IL2RA: variants seen among roughly 807,000 people sequenced by gnomAD.
IL2RA encodes the protein interleukin-2 receptor subunit alpha.
In IL2RA, 24 loss-of-function variants were observed where a neutral mutation model predicts 37.8. That is an observed-to-expected ratio of 0.63 (90% CI 0.46 to 0.89). The LOEUF is 0.89. IL2RA is among the 40% of genes least tolerant of loss of function. The probability of loss-of-function intolerance (pLI) is 0.00; values close to 1 mark genes in which losing one functional copy is unlikely to be tolerated. For synonymous variants in IL2RA, 125 were observed against 114.6 expected, an observed-to-expected ratio of 1.09 and a Z score of -0.58; for missense variants, 319 against 348.6, an observed-to-expected ratio of 0.92 and a Z score of 0.68.
In IL2RA at chr10:6,062,106, C is replaced by G. The variant is rs751620727; in HGVS notation, c.46G>C (p.Val16Leu). ...CCCTTACCTGCCTGGCAGCCAGGCA[C>G]CATGATGAACGTGAGCAGTCCCCAC... ...LMWGLLTFIM[V>L]PGCQAELCDD... The change falls in exon 1 of 8, where the codon GTG becomes CTG. Residue 16 changes from valine to leucine, a missense_variant. Val to Leu is a conservative substitution (Grantham distance 32). Coordinates refer to ENST00000379959, the MANE Select transcript of IL2RA (RefSeq NM_000417.3). 1 of 1,613,976 alleles carries G rather than the reference C, an allele frequency of 6.2e-7. No individual in the cohort carries two copies. The highest frequency in any genetic ancestry group is 8.5e-7 in the Non-Finnish European group (1 of 1,179,942).
rs781109300 is a variant in IL2RA, at chr10:6,058,745, G to C, written c.64+3343C>G. ...AGAATTCCTAGAATGAAAGAAAGATGATCAAGGGACATACAAGCTCTCAGA... is the reference window on the plus strand; with the variant it reads ...AGAATTCCTAGAATGAAAGAAAGATCATCAAGGGACATACAAGCTCTCAGA... On this transcript the variant is annotated intron_variant, in intron 1 of 7. Coordinates refer to ENST00000379959, the MANE Select transcript of IL2RA (RefSeq NM_000417.3). This position sits in a 1 kb window ranked among gnomAD's most constrained non-coding sequence, Gnocchi z 4.2. 2.0e-5 allele frequency among the ~76,000 whole-genome samples: 3 copies of C among 152,094 alleles called. No homozygotes were observed. Among genetic ancestry groups the C allele is most frequent in the Non-Finnish European group, 4.4e-5 (3 of 67,998 alleles).
chr10:6,056,631 G>A lies in IL2RA; in HGVS notation c.64+5457C>T, dbSNP rs554904520. On this transcript the variant is annotated intron_variant, in intron 1 of 7. Coordinates refer to ENST00000379959, the MANE Select transcript of IL2RA (RefSeq NM_000417.3). This position sits in a 1 kb window ranked among gnomAD's most constrained non-coding sequence, Gnocchi z 5.0. ...GAGCCAGGCATGGTGGTGCACACCT[G>A]TAATCCCAGCTACTCAGGAGACAGA... 3.2e-4 allele frequency among the ~76,000 whole-genome samples: 49 copies of A among 152,158 alleles called. No homozygotes were observed. The highest frequency in any genetic ancestry group is 6.8e-3 in the Middle Eastern group (2 of 294).
At chr10:6,059,223 T>C (rs1840089817) in intron 1 of IL2RA, among the ~76,000 whole-genome samples, 1 of 152,228 alleles carries the variant, frequency 6.6e-6, no homozygotes, top group Admixed American at 6.5e-5. Flanking sequence ...GACCTGTCTC[T>C]GTGCACCTGA....
At chr10:6,017,398 C>G (rs572413526) in intron 7 of IL2RA, among the ~76,000 whole-genome samples, 17 of 152,092 alleles carry the variant, frequency 1.1e-4, no homozygotes, top group African/African-American at 4.1e-4. Flanking sequence ...GCAGTGCTGG[C>G]CTCTGCTGTG....
At position 6,012,850 on chromosome 10, in the gene IL2RA, A is replaced by G. The variant is rs1839210580; in HGVS notation, c.*22T>C. ...TGTCTGTTCCCGGCTTCTTACCAAGAAATTCTTGTTCTTTTGGTTTTCTAG... is the reference window on the plus strand; with the variant it reads ...TGTCTGTTCCCGGCTTCTTACCAAGGAATTCTTGTTCTTTTGGTTTTCTAG... On this transcript the variant is annotated 3_prime_UTR_variant, in exon 8 of 8. Coordinates refer to ENST00000379959, the MANE Select transcript of IL2RA (RefSeq NM_000417.3). The surrounding 1 kb of genome is among the most constrained non-coding windows in gnomAD (Gnocchi z 4.8). 1 of 1,612,764 alleles carries G rather than the reference A, an allele frequency of 6.2e-7. No homozygotes were observed. The highest frequency in any genetic ancestry group is 8.5e-7 in the Non-Finnish European group (1 of 1,178,896).
In IL2RA at chr10:6,013,299, C is replaced by T. The variant is rs559060728; in HGVS notation, c.795-403G>A. ...GTTGTGCTGTCCGATAACACAGACA[C>T]CTGTGGCTAGGGAACGCTTGAAATG... On this transcript the variant is annotated intron_variant, in intron 7 of 7. Transcript: ENST00000379959. Among the ~76,000 whole-genome samples the T allele has an allele frequency of 4.9e-4, 75 of 152,330 alleles. 1 individual carries two copies. In the East Asian group the frequency reaches 0.011, roughly 23 times the overall value.
At chr10:6,019,812 G>C in intron 5 of IL2RA, 58 bp downstream of exon 5, 1 of 1,502,868 alleles carries the variant, frequency 6.7e-7, no homozygotes, top group South Asian at 1.1e-5. Flanking sequence ...CTGGCTCCTG[G>C]TCACCTCTGC....
chr10:6,026,394 ATG>A (rs1839484373), intron 1 of IL2RA, among the ~76,000 whole-genome samples: 1 of 152,246 alleles, frequency 6.6e-6, no homozygotes, highest in African/African-American at 2.4e-5. Flanking sequence ...GGGGCAAAAT[ATG>A]TCTGTGCAAG....
At position 6,012,401 on chromosome 10, in the gene IL2RA, C is replaced by T. The variant is rs553112485; in HGVS notation, c.*471G>A. 181 of 165,886 alleles carry T rather than the reference C, an allele frequency of 1.1e-3. No homozygotes were observed. Among genetic ancestry groups the T allele is most frequent in the Non-Finnish European group, 1.6e-3 (120 of 75,962 alleles). The allele number at this position is 165,886 out of a possible 1,614,324, so 10.3% of individuals were successfully genotyped here. A position where few individuals can be genotyped will look rare whatever the true frequency, so the allele number is the denominator to read the frequency against. On this transcript the variant is annotated 3_prime_UTR_variant, in exon 8 of 8. Coordinates refer to ENST00000379959, the MANE Select transcript of IL2RA (RefSeq NM_000417.3). This position sits in a 1 kb window ranked among gnomAD's most constrained non-coding sequence, Gnocchi z 4.8. ...TCAGAAGCGGCTGAGAAAGGAACCA[C>T]GCAGACAATGTCCAGTTGTATAGGG...
At chr10:6,032,810 G>C (rs1370939198) in intron 1 of IL2RA, among the ~76,000 whole-genome samples, 1 of 151,984 alleles carries the variant, frequency 6.6e-6, no homozygotes, top group East Asian at 1.9e-4. Context: ...AACAAAGCAA[G>C]AGTAAAAGGC....
Position 6,029,896 on chromosome 10 carries a change from G to T in IL2RA, c.65-3871C>A, listed in dbSNP as rs1000723597. ...ATTTTTGTATTTTTAGTAGAGATGG[G>T]GTTTCACCATGTTGACCAGGCTGGT... is the stretch of plus-strand genomic sequence containing the variant. On this transcript the variant is annotated intron_variant, in intron 1 of 7. Coordinates refer to ENST00000379959, the MANE Select transcript of IL2RA (RefSeq NM_000417.3). The surrounding 1 kb of genome is among the most constrained non-coding windows in gnomAD (Gnocchi z 4.6). 2.0e-5 allele frequency among the ~76,000 whole-genome samples: 3 copies of T among 152,008 alleles called. No individual in the cohort carries two copies. Among genetic ancestry groups the T allele is most frequent in the Non-Finnish European group, 4.4e-5 (3 of 67,984 alleles).
chr10:6,017,984 G>T lies in IL2RA; in HGVS notation c.794+69C>A, dbSNP rs1839306676. On this transcript the variant is annotated intron_variant, in intron 7 of 7. Coordinates refer to ENST00000379959, the MANE Select transcript of IL2RA (RefSeq NM_000417.3). Reference sequence around the variant, plus strand: ...AGAGAGAGCATGGAGGGGGTAGGGGGGAGGCAGGGTGGGGCTGGGTACAGG... The same window carrying T: ...AGAGAGAGCATGGAGGGGGTAGGGGTGAGGCAGGGTGGGGCTGGGTACAGG... 4 of 1,252,106 alleles carry T rather than the reference G, an allele frequency of 3.2e-6. No individual in the cohort carries two copies. The Admixed American group carries it at 5.7e-5, about 18-fold the overall frequency. The allele number at this position is 1,252,106 out of a possible 1,614,324, so 77.6% of individuals were successfully genotyped here.
rs890808825 is a variant in IL2RA at position 6,044,024 on chromosome 10, C to G, written c.65-17999G>C. On this transcript the variant is annotated intron_variant, in intron 1 of 7. Coordinates refer to ENST00000379959, the MANE Select transcript of IL2RA (RefSeq NM_000417.3). This position sits in a 1 kb window ranked among gnomAD's most constrained non-coding sequence, Gnocchi z 4.5. ...AACTTTATCAGAGAAAGAAACCCCC[C>G]TCTCCCCAAACTCAGTGGCAAGTCC... Among the ~76,000 whole-genome samples the G allele has an allele frequency of 5.3e-5, 8 of 152,216 alleles. No individual in the cohort carries two copies. The highest frequency in any genetic ancestry group is 4.6e-4 in the Admixed American group (7 of 15,282).
intron 1 of IL2RA, among the ~76,000 whole-genome samples, chr10:6,038,797 G>T (rs1589303449): frequency 6.6e-6 from 1 of 152,348 alleles, no homozygotes; most frequent in South Asian, 2.1e-4. Flanking sequence ...GCTTTGTAAA[G>T]TCTGGATTCA....
intron 1 of IL2RA, among the ~76,000 whole-genome samples, chr10:6,040,332 G>A (rs1839752839): frequency 6.6e-6 from 1 of 152,202 alleles, no homozygotes; most frequent in African/African-American, 2.4e-5. Context: ...AACTATTTAT[G>A]AGAATGCTGT....
Position 6,035,971 on chromosome 10 carries a change from C to T in IL2RA, c.65-9946G>A, listed in dbSNP as rs979903464. The T allele has an allele frequency of 2.6e-5, 4 of 152,310 alleles. No homozygotes were observed. The highest frequency in any genetic ancestry group is 2.0e-4 in the Admixed American group (3 of 15,288). 9.4% of individuals were successfully genotyped at this position (152,310 alleles called of 1,614,324 possible). A position where few individuals can be genotyped will look rare whatever the true frequency, so the allele number is the denominator to read the frequency against. On this transcript the variant is annotated intron_variant, in intron 1 of 7. Coordinates refer to ENST00000379959, the MANE Select transcript of IL2RA (RefSeq NM_000417.3). The surrounding 1 kb of genome is among the most constrained non-coding windows in gnomAD (Gnocchi z 5.4). ...TGTATGCAGCTGAAGGGTAACATCC[C>T]TTGGGAGCTTTTGCCTTGTCTGGCT...
In IL2RA at chr10:6,021,458, C is replaced by A; in HGVS notation, c.583+20G>T. 6.2e-7 allele frequency: 1 copy of A among 1,606,352 alleles called. No individual in the cohort carries two copies. The highest frequency in any genetic ancestry group is 1.3e-5 in the African/African-American group (1 of 74,796). ...ATGGAGCAAAGCAACATTGTGGACC[C>A]CAGAAGGGAGCCACCCTACCTGGAA... On this transcript the variant is annotated intron_variant, in intron 4 of 7. Transcript: ENST00000379959. This position sits in a 1 kb window ranked among gnomAD's most constrained non-coding sequence, Gnocchi z 4.9.
rs1024603339 is a variant in IL2RA, at chr10:6,014,057, G to A, written c.795-1161C>T. On this transcript the variant is annotated intron_variant, in intron 7 of 7. Coordinates refer to ENST00000379959, the MANE Select transcript of IL2RA (RefSeq NM_000417.3). This position sits in a 1 kb window ranked among gnomAD's most constrained non-coding sequence, Gnocchi z 4.4. ...TTTGTTGCCCAGGCTGGTCTCAAGCGAGCCTCTCACCTTAGTCTCCCGAAG... is the reference window on the plus strand; with the variant it reads ...TTTGTTGCCCAGGCTGGTCTCAAGCAAGCCTCTCACCTTAGTCTCCCGAAG... 3.3e-5 allele frequency among the ~76,000 whole-genome samples: 5 copies of A among 152,008 alleles called. No individual in the cohort carries two copies. Among genetic ancestry groups the A allele is most frequent in the Non-Finnish European group, 7.4e-5 (5 of 67,996 alleles).
Position 6,023,905 on chromosome 10 carries a change from CTT to C in IL2RA, c.367+337_367+338del. Among the ~76,000 whole-genome samples, 3 of 152,338 alleles carry C rather than the reference CTT, an allele frequency of 2.0e-5. No homozygotes were observed. The East Asian group carries it at 5.8e-4, about 29-fold the overall frequency. ...TGAGGGCAGGGATCGTTGTCACACT[CTT>C]GTTTGTGTCTTCTATCAGCAGGGCC... On this transcript the variant is annotated intron_variant, in intron 3 of 7. Coordinates refer to ENST00000379959, the MANE Select transcript of IL2RA (RefSeq NM_000417.3).
Sources: gnomAD v4.1 joint callset for allele counts (sites outside exome capture counted in the v4.1 genomes callset) on GRCh38, gnomAD v4.1.1 for gene constraint, Gnocchi (gnomAD v3.1) non-coding constraint, MANE v1.5 for transcripts, NCBI Gene and HGNC (gene_info 2026-07-23, HGNC 2026-07-21) for gene names.